ADAMTSL1: variants seen among roughly 807,000 people sequenced by gnomAD.
ADAMTSL1 encodes ADAMTS like 1.
ADAMTSL1 carries 126 observed loss-of-function variants against 201.8 expected under a neutral mutation model. The ratio of observed to expected loss-of-function variants is 0.62; its 90% CI spans 0.54 to 0.72. The LOEUF is 0.72. ADAMTSL1 is among the 30% of genes least tolerant of loss of function. The probability of loss-of-function intolerance (pLI) is 0.00; values close to 1 mark genes in which losing one functional copy is unlikely to be tolerated. For synonymous variants in ADAMTSL1, 1,121 were observed against 903.4 expected, an observed-to-expected ratio of 1.24 and a Z score of -4.32; for missense variants, 2,679 against 2,277.8, an observed-to-expected ratio of 1.18 and a Z score of -3.59.
chr9:18,297,639 C>A (rs1833525938), intron 2 of ADAMTSL1, among the ~76,000 whole-genome samples: 1 of 152,206 alleles, frequency 6.6e-6, no homozygotes, highest in African/African-American at 2.4e-5. Flanking sequence ...TGCTGCAGAG[C>A]CTGCCATCTG....
chr9:18,012,580 G>A (rs542702334), intron 1 of ADAMTSL1, among the ~76,000 whole-genome samples: 2 of 152,182 alleles, frequency 1.3e-5, no homozygotes, highest in African/African-American at 2.4e-5. Context: ...AAAAGCATGA[G>A]GGAAGAGAAT....
intron 2 of ADAMTSL1, among the ~76,000 whole-genome samples, chr9:18,231,291 T>G (rs548395856): frequency 6.6e-6 from 1 of 152,298 alleles, no homozygotes; most frequent in African/African-American, 2.4e-5. Flanking sequence ...CATTCACATC[T>G]GGCTTTCACC....
chr9:18,901,864 G>C (rs898434029), intron 26 of ADAMTSL1, among the ~76,000 whole-genome samples: 5 of 152,104 alleles, frequency 3.3e-5, no homozygotes, highest in Non-Finnish European at 5.9e-5. Context: ...TGGCCTAGTA[G>C]ATGTTAAAAA....
At chr9:18,084,551 A>G (rs1034916680) in intron 1 of ADAMTSL1, among the ~76,000 whole-genome samples, 5 of 152,038 alleles carry the variant, frequency 3.3e-5, no homozygotes, top group African/African-American at 1.2e-4. Context: ...AAGAAAAAAA[A>G]AGAGGTGGTG....
intron 9 of ADAMTSL1, among the ~76,000 whole-genome samples, chr9:18,663,025 G>T (rs546837270): frequency 6.6e-6 from 1 of 152,242 alleles, no homozygotes; most frequent in Admixed American, 6.5e-5. Flanking sequence ...CTATACTGAT[G>T]ATGTATGCAT....
rs117779368 is a variant in ADAMTSL1 at position 18,850,204 on chromosome 9, A to G, written c.4249+20227A>G. Among the ~76,000 whole-genome samples, 17 of 152,344 alleles carry G rather than the reference A, an allele frequency of 1.1e-4. No homozygotes were observed. The East Asian group carries it at 3.3e-3, about 29-fold the overall frequency. On this transcript the variant is annotated intron_variant, in intron 23 of 28. Coordinates refer to ENST00000380548, the MANE Select transcript of ADAMTSL1 (RefSeq NM_001040272.6). ...ACACTTGCTCCTGCCCTTTCCTGGC[A>G]GCAGGACACAATTCCCAGGCCCATG... is the stretch of plus-strand genomic sequence containing the variant.
Position 18,910,887 on chromosome 9 carries a change from C to G in ADAMTSL1, c.*2339C>G, listed in dbSNP as rs1002326490. ...TGGCTAATGTGGAAGGAGGCACTTT[C>G]TCCTCTAAAACACAAAACTGTATTT... On this transcript the variant is annotated 3_prime_UTR_variant, in exon 29 of 29. Coordinates refer to ENST00000380548, the MANE Select transcript of ADAMTSL1 (RefSeq NM_001040272.6). 5 of 152,224 alleles carry G rather than the reference C, an allele frequency of 3.3e-5. No individual in the cohort carries two copies. Among genetic ancestry groups the G allele is most frequent in the Non-Finnish European group, 5.9e-5 (4 of 68,050 alleles). The allele number at this position is 152,224 out of a possible 1,614,324, so 9.4% of individuals were successfully genotyped here.
At chr9:18,387,060 T>G (rs1837824825) in intron 2 of ADAMTSL1, among the ~76,000 whole-genome samples, 1 of 152,076 alleles carries the variant, frequency 6.6e-6, no homozygotes, top group Non-Finnish European at 1.5e-5. Flanking sequence ...TATTGTTAGG[T>G]GAATAAATAA....
intron 1 of ADAMTSL1, among the ~76,000 whole-genome samples, chr9:18,161,722 T>C (rs1827396666): frequency 1.3e-5 from 2 of 152,040 alleles, no homozygotes; most frequent in Non-Finnish European, 2.9e-5. Context: ...GAATTACACA[T>C]GGTCAAGACA....
intron 2 of ADAMTSL1, among the ~76,000 whole-genome samples, chr9:18,314,374 G>A (rs1442841148): frequency 6.6e-6 from 1 of 152,176 alleles, no homozygotes. Flanking sequence ...CCCTTGCAGT[G>A]AGTGTTACAG....
chr9:18,391,412 C>G (rs1838039107), intron 2 of ADAMTSL1, among the ~76,000 whole-genome samples: 1 of 152,012 alleles, frequency 6.6e-6, no homozygotes, highest in African/African-American at 2.4e-5. Context: ...AGTCATTGTA[C>G]TAGACAGGAT....
intron 2 of ADAMTSL1, among the ~76,000 whole-genome samples, chr9:18,329,215 A>C (rs1193325315): frequency 6.6e-6 from 1 of 152,132 alleles, no homozygotes; most frequent in African/African-American, 2.4e-5. Context: ...AGCAGGAAGT[A>C]GGCTGTTACC....
At chr9:17,920,774 G>T (rs1172784268) in intron 1 of ADAMTSL1, among the ~76,000 whole-genome samples, 1 of 152,204 alleles carries the variant, frequency 6.6e-6, no homozygotes, top group African/African-American at 2.4e-5. Context: ...GGGCTATACG[G>T]TCTTTGTCCT....
intron 1 of ADAMTSL1, among the ~76,000 whole-genome samples, chr9:18,041,081 A>T (rs1377140435): frequency 1.3e-4 from 20 of 152,208 alleles, no homozygotes; most frequent in Admixed American, 1.2e-3. Context: ...AAAACCAAAG[A>T]CACAAATCTG....
chr9:18,356,073 A>C (rs1037451280), intron 2 of ADAMTSL1, among the ~76,000 whole-genome samples: 5 of 152,196 alleles, frequency 3.3e-5, no homozygotes, highest in African/African-American at 1.2e-4. Context: ...AGATGCACTG[A>C]CAATCTAAGA....
chr9:18,211,278 T>A (rs1231009535), intron 2 of ADAMTSL1, among the ~76,000 whole-genome samples: 3 of 152,128 alleles, frequency 2.0e-5, no homozygotes, highest in African/African-American at 7.2e-5. Context: ...TTCAAAAATT[T>A]TGTGATCGTG....
chr9:18,773,672 T>C (rs1190198147), intron 17 of ADAMTSL1, among the ~76,000 whole-genome samples: 1 of 152,222 alleles, frequency 6.6e-6, no homozygotes, highest in Non-Finnish European at 1.5e-5. Context: ...TTAAAATCCC[T>C]GCTCTAGCTT....
At chr9:18,718,216 C>G (rs1833085893) in intron 14 of ADAMTSL1, 1 of 770,970 alleles carries the variant, frequency 1.3e-6, no homozygotes, top group South Asian at 1.4e-5. Flanking sequence ...TCATCAGTGT[C>G]TTTAACTCAA....
chr9:18,047,164 G>A (rs1266154195), intron 1 of ADAMTSL1, among the ~76,000 whole-genome samples: 8 of 152,110 alleles, frequency 5.3e-5, no homozygotes, highest in Non-Finnish European at 1.5e-5. Context: ...AACTACACTA[G>A]TTATTTGCAC....
Sources: gnomAD v4.1 joint callset for allele counts (sites outside exome capture counted in the v4.1 genomes callset) on GRCh38, gnomAD v4.1.1 for gene constraint, MANE v1.5 for transcripts, NCBI Gene and HGNC (gene_info 2026-07-23, HGNC 2026-07-21) for gene names.